Variants in ZFHX3 observed in about 807,000 individuals in gnomAD.
ZFHX3 encodes the protein zinc finger homeobox protein 3.
In ZFHX3, 42 loss-of-function variants were observed where a neutral mutation model predicts 279.1. That is an observed-to-expected ratio of 0.15 (90% confidence interval 0.12 to 0.19). The LOEUF is 0.19. Among genes scored for constraint, ZFHX3 ranks in the 10% least tolerant of loss-of-function variants. The probability of loss-of-function intolerance (pLI) is 1.00; values close to 1 mark genes in which losing one functional copy is unlikely to be tolerated. For synonymous variants in ZFHX3, 2,293 were observed against 1,957.8 expected (o/e 1.17, Z -4.52); for missense variants, 4,981 against 4,754.0 (o/e 1.05, Z -1.40).
In ZFHX3 at chr16:73,146,457, G is replaced by A. The variant is rs543854846; in HGVS notation, c.-1103-2626C>T. ...AAAAAAAAAAAAGATCTTCTGAAAG[G>A]CATACGGACCATGGAGGATCAGCTA... On this transcript the variant is annotated intron_variant, in intron 5 of 17. Transcript: ENST00000641206. 2.6e-5 allele frequency among the ~76,000 whole-genome samples: 4 copies of A among 151,866 alleles called. No individual in the cohort carries two copies. The South Asian group carries it at 8.4e-4, about 32-fold the overall frequency.
At chr16:73,224,303 T>C (rs1048389322) in intron 5 of ZFHX3, among the ~76,000 whole-genome samples, 11 of 152,242 alleles carry the variant, frequency 7.2e-5, no homozygotes, top group Admixed American at 1.3e-4. Flanking sequence ...GAACTCTTTG[T>C]CCTGCTTCTC....
intron 3 of ZFHX3, among the ~76,000 whole-genome samples, chr16:73,426,587 T>A (rs1471804448): frequency 1.3e-5 from 2 of 151,980 alleles, no homozygotes; most frequent in Non-Finnish European, 2.9e-5. Flanking sequence ...TGTGTGCATG[T>A]GTGTGTGTGA....
At chr16:73,351,797 C>T (rs569498568) in intron 3 of ZFHX3, among the ~76,000 whole-genome samples, 1 of 152,300 alleles carries the variant, frequency 6.6e-6, no homozygotes, top group South Asian at 2.1e-4. Flanking sequence ...GGGGCAGGTC[C>T]ATGGGGGTGA....
chr16:73,579,764 A>C (rs2051838474), intron 2 of ZFHX3, among the ~76,000 whole-genome samples: 1 of 149,336 alleles, frequency 6.7e-6, no homozygotes, highest in South Asian at 2.1e-4. Flanking sequence ...AGCCTCCCAA[A>C]GTGTATAAAT....
rs368096979 is a variant in ZFHX3, at chr16:72,787,363, G to C, written c.10913C>G (p.Ser3638Cys). 2 of 1,611,906 alleles carry C rather than the reference G, an allele frequency of 1.2e-6. No homozygotes were observed. Among genetic ancestry groups the C allele is most frequent in the South Asian group, 2.2e-5 (2 of 90,920 alleles). Residue 3638 changes from serine (S) to cysteine (C), a missense_variant, in exon 10 of 10, where the codon TCT (serine) becomes TGT (cysteine). By Grantham distance (112) the Ser-to-Cys change is moderately radical (BLOSUM62 -1). Around this residue, in one of 7 missense-constraint regions of ZFHX3, gnomAD observed 1,034 missense variants for 786.0 expected, o/e 1.32. Transcript: ENST00000268489. ...KPPSFPPLSSSSTVTSSSCST... is the reference protein window; with the variant it reads ...KPPSFPPLSSCSTVTSSSCST... ...GCATGAACTTGAGGTAACCGTTGAA[G>C]ATGAGGAGAGAGGAGGAAAAGAAGG...
At chr16:73,468,186 T>G (rs918955734) in intron 2 of ZFHX3, among the ~76,000 whole-genome samples, 1 of 152,126 alleles carries the variant, frequency 6.6e-6, no homozygotes, top group Non-Finnish European at 1.5e-5. Flanking sequence ...CTCAAACATC[T>G]CAAGAACTCT....
intron 3 of ZFHX3, among the ~76,000 whole-genome samples, chr16:73,367,586 T>A (rs140181182): frequency 6.6e-6 from 1 of 152,116 alleles, no homozygotes; most frequent in African/African-American, 2.4e-5. Flanking sequence ...TCCCTTTCCA[T>A]CAAAGAACAA....
At chr16:73,785,704 T>C (rs1392997030) in intron 1 of ZFHX3, among the ~76,000 whole-genome samples, 1 of 152,170 alleles carries the variant, frequency 6.6e-6, no homozygotes, top group Non-Finnish European at 1.5e-5. Flanking sequence ...CTGGAAATAA[T>C]TTTTACTCAA....
chr16:73,666,322 TC>T (rs1188158222), intron 2 of ZFHX3, among the ~76,000 whole-genome samples: 1 of 152,024 alleles, frequency 6.6e-6, no homozygotes, highest in Non-Finnish European at 1.5e-5. Flanking sequence ...AGTTACCTGT[TC>T]CAATATGAAA....
chr16:73,074,876 C>T (rs1247071122), intron 8 of ZFHX3, among the ~76,000 whole-genome samples: 1 of 152,096 alleles, frequency 6.6e-6, no homozygotes, highest in African/African-American at 2.4e-5. Flanking sequence ...TCTCAGTTCA[C>T]TACAACTTCT....
chr16:73,566,290 A>G (rs1233531614), intron 2 of ZFHX3, among the ~76,000 whole-genome samples: 1 of 152,240 alleles, frequency 6.6e-6, no homozygotes, highest in African/African-American at 2.4e-5. Context: ...ATAGACCTAA[A>G]ATACCCACAA....
intron 4 of ZFHX3, among the ~76,000 whole-genome samples, chr16:73,300,608 A>G (rs560991010): frequency 6.6e-6 from 1 of 152,178 alleles, no homozygotes; most frequent in East Asian, 1.9e-4. Context: ...GGTTCAGGTG[A>G]TGCTCATGCC....
chr16:73,096,982 A>C (rs769815685), intron 7 of ZFHX3, among the ~76,000 whole-genome samples: 1 of 152,060 alleles, frequency 6.6e-6, no homozygotes, highest in Non-Finnish European at 1.5e-5. Context: ...CCAAGGCAAG[A>C]GGAGAAATAT....
upstream of ZFHX3, among the ~76,000 whole-genome samples, chr16:73,064,457 C>G (rs1318027921): frequency 2.6e-5 from 4 of 151,978 alleles, no homozygotes; most frequent in Non-Finnish European, 5.9e-5. Flanking sequence ...CCAAATTGGC[C>G]GCTCAAATCT....
intron 2 of ZFHX3, among the ~76,000 whole-genome samples, chr16:73,483,152 C>T (rs941213639): frequency 2.0e-5 from 3 of 152,146 alleles, no homozygotes; most frequent in African/African-American, 7.2e-5. Context: ...GCTGGCTGTG[C>T]ACATCTGAGG....
At chr16:73,246,672 G>A (rs558755336) in intron 5 of ZFHX3, among the ~76,000 whole-genome samples, 13 of 152,150 alleles carry the variant, frequency 8.5e-5, no homozygotes, top group East Asian at 1.9e-4. Flanking sequence ...CTAAATGCTC[G>A]TATCTTAAAG....
chr16:73,019,322 GTGTGCGTGTGTGTGTC>G (rs1172338849), intron 1 of ZFHX3, among the ~76,000 whole-genome samples: 1 of 117,686 alleles, frequency 8.5e-6, no homozygotes, highest in Non-Finnish European at 1.8e-5. Flanking sequence ...CTCCACCAGC[GTGTGCGTGTGTGTGTC>G]TGTGCGTGTG....
intron 3 of ZFHX3, among the ~76,000 whole-genome samples, chr16:73,381,794 T>C (rs1597309977): frequency 6.6e-6 from 1 of 152,318 alleles, no homozygotes; most frequent in East Asian, 1.9e-4. Flanking sequence ...AAAATAAAAG[T>C]CTATGCATAA....
chr16:73,038,228 A>AC lies in ZFHX3; in HGVS notation c.-50+9523dup, dbSNP rs553762178. Among the ~76,000 whole-genome samples the AC allele has an allele frequency of 1.2e-3, 186 of 151,088 alleles. 2 individuals are homozygous for AC. The highest frequency in any genetic ancestry group is 4.0e-3 in the African/African-American group (163 of 41,068). ...GGGCCCTCGGGATATTGACTCCCCCACCCCCCCAACTATCCAGGCTCAGCC... is the reference window on the plus strand; with the variant it reads ...GGGCCCTCGGGATATTGACTCCCCCACCCCCCCCAACTATCCAGGCTCAGCC... On this transcript the variant is annotated intron_variant, in intron 1 of 9. Transcript: ENST00000268489.
Sources: gnomAD v4.1 joint callset for allele counts (sites outside exome capture counted in the v4.1 genomes callset) on GRCh38, gnomAD v4.1.1 for gene constraint, gnomAD v4.1.1 regional missense constraint, MANE v1.5 for transcripts, NCBI Gene and HGNC (gene_info 2026-07-23, HGNC 2026-07-21) for gene names.